The following GALNT13 variants were observed in gnomAD, a reference collection of about 807,000 sequenced individuals.
The protein encoded by GALNT13 is polypeptide N-acetylgalactosaminyltransferase 13.
A neutral mutation model predicts 64.2 loss-of-function variants in GALNT13; 28 were observed. The observed-to-expected ratio is 0.44, with a 90% confidence interval of 0.32 to 0.60. The LOEUF is 0.60. GALNT13 is among the 20% of genes least tolerant of loss of function. The pLI is 0.05. For synonymous variants in GALNT13, 214 were observed against 224.6 expected (o/e 0.95, Z 0.42); for missense variants, 577 against 669.8 (o/e 0.86, Z 1.53).
chr2:154,102,168 A>G (rs945343205), intron 3 of GALNT13, among the ~76,000 whole-genome samples: 3 of 152,198 alleles, frequency 2.0e-5, no homozygotes, highest in Non-Finnish European at 2.9e-5. Flanking sequence ...CATTTGGTCT[A>G]AAGTGCAGTT....
At chr2:153,375,983 G>A in the GALNT13 span, among the ~76,000 whole-genome samples, 1 of 151,998 alleles carries the variant, frequency 6.6e-6, no homozygotes, top group Admixed American at 6.6e-5. Flanking sequence ...AGAGGTTCCA[G>A]GCTCTTTTTA....
At chr2:153,277,923 C>CTTTTTTCCTTTTTTTTTTTTTT in the GALNT13 span, among the ~76,000 whole-genome samples, 1 of 78,954 alleles carries the variant, frequency 1.3e-5, no homozygotes, top group Non-Finnish European at 2.3e-5. Flanking sequence ...GTTTTCTTTT[C>CTTTTTTCCTTTTTTTTTTTTTT]TTTCTTTTTT....
chr2:153,193,645 A>G, the GALNT13 span, among the ~76,000 whole-genome samples: 354 of 114,814 alleles, frequency 3.1e-3, 2 homozygotes, highest in Non-Finnish European at 4.4e-3. Context: ...AATATTTTTC[A>G]TTTTAATAAA....
the GALNT13 span, among the ~76,000 whole-genome samples, chr2:153,686,819 A>G: frequency 1.3e-5 from 2 of 151,986 alleles, no homozygotes; most frequent in African/African-American, 4.8e-5. Flanking sequence ...GTTCCCTTTA[A>G]TACCTAGCTT....
chr2:153,623,904 T>C, the GALNT13 span, among the ~76,000 whole-genome samples: 1 of 152,086 alleles, frequency 6.6e-6, no homozygotes, highest in African/African-American at 2.4e-5. Flanking sequence ...GTACACTCCA[T>C]GGAGCCAATA....
chr2:153,804,830 G>A, the GALNT13 span, among the ~76,000 whole-genome samples: 2 of 152,086 alleles, frequency 1.3e-5, no homozygotes, highest in African/African-American at 2.4e-5. Context: ...AGAAAGACAG[G>A]CTTATATAAA....
At chr2:153,977,095 A>T (rs1015115776) in intron 3 of GALNT13, among the ~76,000 whole-genome samples, 2 of 152,130 alleles carry the variant, frequency 1.3e-5, no homozygotes, top group Non-Finnish European at 2.9e-5. Flanking sequence ...TTTGTGCTTG[A>T]CATAAAATCT....
At chr2:154,287,932 T>C (rs1443547079) in intron 8 of GALNT13, among the ~76,000 whole-genome samples, 1 of 152,150 alleles carries the variant, frequency 6.6e-6, no homozygotes, top group Non-Finnish European at 1.5e-5. Flanking sequence ...CCAATTAGTA[T>C]AGCCGGAGAT....
chr2:153,643,395 T>C, the GALNT13 span, among the ~76,000 whole-genome samples: 1 of 151,394 alleles, frequency 6.6e-6, no homozygotes, highest in Non-Finnish European at 1.5e-5. Flanking sequence ...ATTAAAATAG[T>C]ACATGGAAAA....
At chr2:153,924,193 C>G (rs1213651742) in intron 2 of GALNT13, among the ~76,000 whole-genome samples, 14 of 152,012 alleles carry the variant, frequency 9.2e-5, no homozygotes, top group Admixed American at 9.2e-4. Context: ...GCTATTCTTC[C>G]TGATGCACTC....
the GALNT13 span, among the ~76,000 whole-genome samples, chr2:153,353,001 G>T: frequency 1.3e-5 from 2 of 152,056 alleles, no homozygotes; most frequent in Non-Finnish European, 2.9e-5. Flanking sequence ...AACTTGCTGG[G>T]ATTTTGATTG....
the GALNT13 span, among the ~76,000 whole-genome samples, chr2:153,699,007 G>A: frequency 4.6e-5 from 7 of 152,134 alleles, no homozygotes; most frequent in African/African-American, 7.2e-5. Context: ...GGCGGATCAC[G>A]AGGTCAAGAG....
chr2:153,571,558 C>A, the GALNT13 span, among the ~76,000 whole-genome samples: 1 of 151,968 alleles, frequency 6.6e-6, no homozygotes, highest in African/African-American at 2.4e-5. Context: ...AGGTTTTCCC[C>A]ATTCAGTATG....
At chr2:153,926,941 C>T (rs1177900051) in intron 2 of GALNT13, among the ~76,000 whole-genome samples, 5 of 152,080 alleles carry the variant, frequency 3.3e-5, no homozygotes, top group African/African-American at 7.2e-5. Context: ...CACATTTACA[C>T]GTTTTTCCAA....
chr2:154,219,345 C>T (rs893049251), intron 4 of GALNT13, among the ~76,000 whole-genome samples: 1 of 151,994 alleles, frequency 6.6e-6, no homozygotes. Context: ...CTTTACCAAT[C>T]TTCTACCCCA....
the GALNT13 span, among the ~76,000 whole-genome samples, chr2:153,243,909 A>G: frequency 6.6e-6 from 1 of 152,138 alleles, no homozygotes; most frequent in Admixed American, 6.5e-5. Context: ...ATAGGGTTCT[A>G]AAAGATTTAT....
chr2:153,885,364 A>G lies in GALNT13; in HGVS notation c.-177+13061A>G, dbSNP rs1055648378. 3.3e-5 allele frequency among the ~76,000 whole-genome samples: 5 copies of G among 152,054 alleles called. No individual in the cohort carries two copies. The East Asian group carries it at 5.8e-4, about 18-fold the overall frequency. On this transcript the variant is annotated intron_variant, in intron 1 of 12. Coordinates refer to ENST00000392825, the MANE Select transcript of GALNT13 (RefSeq NM_052917.4). ...TTTACCAATCAAATCAGAATCATAC[A>G]TCTTTAGTTTTATGAATGTGTGTAA...
At chr2:153,742,325 ATTTT>A in the GALNT13 span, among the ~76,000 whole-genome samples, 2 of 151,808 alleles carry the variant, frequency 1.3e-5, no homozygotes, top group Admixed American at 1.3e-4. Flanking sequence ...ATTTTTTTTT[ATTTT>A]TTAAGGCTGA....
chr2:153,199,759 T>A, the GALNT13 span, among the ~76,000 whole-genome samples: 3 of 152,218 alleles, frequency 2.0e-5, no homozygotes, highest in East Asian at 5.8e-4. Context: ...AAAGCAATGA[T>A]AACTCACATT....
Sources: gnomAD v4.1 joint callset for allele counts (sites outside exome capture counted in the v4.1 genomes callset) on GRCh38, gnomAD v4.1.1 for gene constraint, MANE v1.5 for transcripts, NCBI Gene and HGNC (gene_info 2026-07-23, HGNC 2026-07-21) for gene names.